ATP7A: variants seen among roughly 807,000 people sequenced by gnomAD.
ATP7A encodes ATPase copper transporting alpha.
Under a neutral mutation model 83.5 loss-of-function variants are expected in ATP7A, and 7 were observed. The ratio of observed to expected loss-of-function variants is 0.08; its 90% CI spans 0.05 to 0.16. The LOEUF is 0.16. ATP7A is among the 10% of genes least tolerant of loss of function. The pLI is 1.00. For synonymous variants in ATP7A, 354 were observed against 395.2 expected, an observed-to-expected ratio of 0.90 and a Z score of 1.24; for missense variants, 940 against 1,120.8, an observed-to-expected ratio of 0.84 and a Z score of 2.30.
intron 4 of ATP7A, among the ~76,000 whole-genome samples, chrX:77,992,022 T>TA (rs2077672823): frequency 1.8e-5 from 2 of 109,019 alleles, no homozygotes; most frequent in African/African-American, 6.7e-5. Context: ...ACCCTGTCTT[T>TA]AAAAAAATAG....
chrX:78,009,927 C>G (rs1295146610), intron 7 of ATP7A, among the ~76,000 whole-genome samples: 2 of 112,642 alleles, frequency 1.8e-5, no homozygotes, highest in Non-Finnish European at 3.8e-5. Flanking sequence ...GTCTCTAAAA[C>G]AAACAAACAA....
intron 12 of ATP7A, among the ~76,000 whole-genome samples, chrX:78,016,492 T>A (rs782453782): frequency 1.8e-5 from 2 of 111,192 alleles, no homozygotes; most frequent in Non-Finnish European, 3.8e-5. Flanking sequence ...CAAAGTCTTA[T>A]TTCAGCATTA....
At chrX:78,045,912 G>A (rs1557239047) in intron 22 of ATP7A, among the ~76,000 whole-genome samples, 1 of 112,032 alleles carries the variant, frequency 8.9e-6, no homozygotes, top group East Asian at 2.8e-4. Context: ...GAACCTGGGA[G>A]GTGGAGGTTG....
intron 1 of ATP7A, among the ~76,000 whole-genome samples, chrX:77,957,198 A>T (rs1557227483): frequency 1.8e-5 from 2 of 111,365 alleles, no homozygotes; most frequent in African/African-American, 3.3e-5. Context: ...CTTTTGAGAA[A>T]TGTCTATTAA....
At chrX:77,972,693 G>T (rs2077555570) in intron 2 of ATP7A, among the ~76,000 whole-genome samples, 1 of 110,006 alleles carries the variant, frequency 9.1e-6, no homozygotes, top group African/African-American at 3.3e-5. Context: ...TAGCGATGGG[G>T]GTCTCACTAT....
Position 78,009,118 on chromosome X carries a change from G to T in ATP7A, c.1724G>T (p.Cys575Phe), listed in dbSNP as rs782820983. 2 of 1,207,787 alleles carry T rather than the reference G, an allele frequency of 1.7e-6. No individual in the cohort carries two copies. The highest frequency in any genetic ancestry group is 2.2e-6 in the Non-Finnish European group (2 of 894,250). ...CTTTAACAGGTGAGGGGAATGACGT[G>T]TGCCTCCTGCGTACATAAAATAGAG... Reference protein sequence around the residue: ...VLELVVRGMTCASCVHKIESS... With the variant: ...VLELVVRGMTFASCVHKIESS... The change falls in exon 7 of 23, where the codon TGT (cysteine) becomes TTT (phenylalanine). Residue 575 changes from cysteine to phenylalanine, a missense_variant. Around this residue, in one of 3 missense-constraint regions of ATP7A, gnomAD observed 350 missense variants for 432.8 expected, o/e 0.81. Coordinates refer to ENST00000341514, the MANE Select transcript of ATP7A (RefSeq NM_000052.7).
At chrX:77,965,379 C>A (rs782498471) in intron 1 of ATP7A, 7 of 317,997 alleles carry the variant, frequency 2.2e-5, no homozygotes, top group Non-Finnish European at 4.3e-5. Context: ...GACATTTCTT[C>A]GAAGATATAC....
intron 17 of ATP7A, among the ~76,000 whole-genome samples, chrX:78,034,442 C>G (rs2078000496): frequency 9.0e-6 from 1 of 111,416 alleles, no homozygotes; most frequent in African/African-American, 3.3e-5. Context: ...CATATAGATT[C>G]TGTCTTTTTC....
intron 14 of ATP7A, among the ~76,000 whole-genome samples, chrX:78,024,565 C>T (rs1160546206): frequency 9.0e-6 from 1 of 111,721 alleles, no homozygotes; most frequent in Non-Finnish European, 1.9e-5. Flanking sequence ...AAGTGAGTCA[C>T]GTGCCGCTTG....
chrX:78,014,818 C>T lies in ATP7A; in HGVS notation c.2498+65C>T, dbSNP rs1359946230. The T allele has an allele frequency of 1.9e-5, 16 of 831,393 alleles. No individual in the cohort carries two copies. In the Admixed American group the frequency reaches 3.8e-4, roughly 20 times the overall value. 68.5% of individuals were successfully genotyped at this position (831,393 alleles called of 1,213,427 possible). A position where few individuals can be genotyped will look rare whatever the true frequency, so the allele number is the denominator to read the frequency against. ...TCTTAAGAAAAATTTCAAATATATA[C>T]AGAAGTAGAAAAAGGACTATCATGA... On this transcript the variant is annotated intron_variant, in intron 11 of 22. Coordinates refer to ENST00000341514, the MANE Select transcript of ATP7A (RefSeq NM_000052.7).
chrX:78,042,264 A>T (rs959660781), intron 19 of ATP7A, among the ~76,000 whole-genome samples: 11 of 111,783 alleles, frequency 9.8e-5, no homozygotes, highest in African/African-American at 3.6e-4. Flanking sequence ...AAACAAGGCA[A>T]TAATAAACAT....
At chrX:77,925,321 A>G (rs1174238971) in intron 1 of ATP7A, among the ~76,000 whole-genome samples, 1 of 112,142 alleles carries the variant, frequency 8.9e-6, no homozygotes, top group Non-Finnish European at 1.9e-5. Context: ...CTAAGAGGAA[A>G]GATAACTTTG....
intron 14 of ATP7A, among the ~76,000 whole-genome samples, chrX:78,024,506 T>C (rs1350045297): frequency 1.8e-5 from 2 of 111,761 alleles, no homozygotes; most frequent in Non-Finnish European, 3.8e-5. Flanking sequence ...TAGCGCACAC[T>C]TGGACAAAGC....
intron 6 of ATP7A, among the ~76,000 whole-genome samples, chrX:78,006,090 T>A (rs2077773569): frequency 8.9e-6 from 1 of 112,053 alleles, no homozygotes; most frequent in African/African-American, 3.2e-5. Flanking sequence ...GAAATACCAT[T>A]TTCACTTATT....
chrX:77,978,413 A>T (rs1438029183), intron 2 of ATP7A, among the ~76,000 whole-genome samples: 1 of 111,542 alleles, frequency 9.0e-6, no homozygotes, highest in African/African-American at 3.3e-5. Context: ...GGCTCAGTGT[A>T]AAACTGGTAA....
intron 10 of ATP7A, 82 bp from the exon 11 acceptor site, chrX:78,014,580 G>A: frequency 2.7e-6 from 2 of 735,971 alleles, no homozygotes; most frequent in Non-Finnish European, 4.2e-6. Context: ...TTGGGTAAAT[G>A]CTAAAGATTG....
intron 1 of ATP7A, among the ~76,000 whole-genome samples, 170 bp downstream of exon 1, chrX:77,911,005 CAG>C (rs1376803292): frequency 8.9e-6 from 1 of 111,988 alleles, no homozygotes; most frequent in Non-Finnish European, 1.9e-5. Flanking sequence ...CCTCCCCTAA[CAG>C]GGGATAGAGG....
At chrX:77,933,068 G>C (rs2077298705) in intron 1 of ATP7A, among the ~76,000 whole-genome samples, 1 of 112,368 alleles carries the variant, frequency 8.9e-6, no homozygotes, top group African/African-American at 3.2e-5. Context: ...CTGCTGGAAT[G>C]ACAGCAGTGA....
At chrX:77,932,912 G>A (rs1603372103) in intron 1 of ATP7A, among the ~76,000 whole-genome samples, 2 of 108,611 alleles carry the variant, frequency 1.8e-5, no homozygotes, top group South Asian at 4.0e-4. Flanking sequence ...AGGGAGAGGG[G>A]GACCGTGGGG....
Sources: allele counts gnomAD v4.1 joint callset (sites outside exome capture counted in the v4.1 genomes callset), GRCh38; gene constraint gnomAD v4.1.1; regional missense constraint gnomAD v4.1.1; transcripts MANE v1.5; gene names NCBI Gene and HGNC (gene_info 2026-07-23, HGNC 2026-07-21).